NFASC: variants seen among roughly 807,000 people sequenced by gnomAD.
NFASC encodes the protein neurofascin.
In NFASC, 43 loss-of-function variants were observed where a neutral mutation model predicts 147.5. The observed-to-expected ratio is 0.29, with a 90% CI of 0.23 to 0.38. NFASC has a LOEUF of 0.38. Ranked by LOEUF, NFASC falls within the 10% of genes least tolerant of loss-of-function variation. NFASC has a pLI of 1.00. For missense variants in NFASC, 1,320 were observed against 1,689.0 expected, an observed-to-expected ratio of 0.78 and a Z score of 3.83; for synonymous variants, 622 against 665.5, an observed-to-expected ratio of 0.93 and a Z score of 1.01.
intron 29 of NFASC, among the ~76,000 whole-genome samples, chr1:205,013,938 C>A (rs2096297236): frequency 6.6e-6 from 1 of 152,242 alleles, no homozygotes; most frequent in Non-Finnish European, 1.5e-5. Context: ...GACTGTCCAC[C>A]TAGTCCCGAC....
Position 205,015,669 on chromosome 1 carries a change from C to CT in NFASC, c.3492-639_3492-638insT, listed in dbSNP as rs2096344671. On this transcript the variant is annotated intron_variant, in intron 29 of 29. Transcript: ENST00000339876. This position sits in a 1 kb window ranked among gnomAD's most constrained non-coding sequence, Gnocchi z 4.0. ...GGCATCACCTGCTTACCTGTGTGCC[C>CT]CCCCACCACCACCACTCTTGCGCAC... 6.6e-6 allele frequency among the ~76,000 whole-genome samples: 1 copy of CT among 150,886 alleles called. No homozygotes were observed. Among genetic ancestry groups the CT allele is most frequent in the Non-Finnish European group, 1.5e-5 (1 of 68,016 alleles).
Position 205,010,517 on chromosome 1 carries a change from G to T in NFASC, c.3421+829G>T, listed in dbSNP as rs2096233915. 1 of 152,232 alleles carries T rather than the reference G, an allele frequency of 6.6e-6. No individual in the cohort carries two copies. Among genetic ancestry groups the T allele is most frequent in the South Asian group, 2.1e-4 (1 of 4,838 alleles). The allele number at this position is 152,232 out of a possible 1,614,324, so 9.4% of individuals were successfully genotyped here. A position where few individuals can be genotyped will look rare whatever the true frequency, so the allele number is the denominator to read the frequency against. ...TGAGGTGGGAGGATTACCTGAGCCT[G>T]GAGAGGTCAAGGCTGCCATGAGGCG... is the stretch of plus-strand genomic sequence containing the variant. On this transcript the variant is annotated intron_variant, in intron 28 of 29. Coordinates refer to ENST00000339876, the MANE Select transcript of NFASC (RefSeq NM_001005388.3). This position sits in a 1 kb window ranked among gnomAD's most constrained non-coding sequence, Gnocchi z 4.1.
chr1:204,968,395 CT>C lies in NFASC; in HGVS notation c.818+36del, dbSNP rs1558291750. On this transcript the variant is annotated intron_variant, in intron 9 of 29. Coordinates refer to ENST00000339876, the MANE Select transcript of NFASC (RefSeq NM_001005388.3). The surrounding 1 kb of genome is among the most constrained non-coding windows in gnomAD (Gnocchi z 5.4). ...GTTTGCAGCCCCTCTTCTAGCCACC[CT>C]CCAGGAGGATGGGGATGGGAGCTTG... 1 of 1,506,134 alleles carries C rather than the reference CT, an allele frequency of 6.6e-7. No homozygotes were observed. The highest frequency in any genetic ancestry group is 1.7e-5 in the Admixed American group (1 of 59,814). 93.3% of individuals were successfully genotyped at this position (1,506,134 alleles called of 1,614,324 possible).
At chr1:204,961,846 T>C (rs1573790443) in intron 8 of NFASC, among the ~76,000 whole-genome samples, 1 of 152,386 alleles carries the variant, frequency 6.6e-6, no homozygotes, top group South Asian at 2.1e-4. Context: ...CTAATTTCTT[T>C]AATTTTAAAA....
intron 1 of NFASC, among the ~76,000 whole-genome samples, chr1:204,908,976 A>G (rs368477178): frequency 6.6e-6 from 1 of 151,866 alleles, no homozygotes; most frequent in East Asian, 1.9e-4. Flanking sequence ...TTGTTTAACC[A>G]TTCACTCATT....
At chr1:204,879,873 C>T (rs2079798794) in intron 1 of NFASC, among the ~76,000 whole-genome samples, 1 of 152,148 alleles carries the variant, frequency 6.6e-6, no homozygotes, top group African/African-American at 2.4e-5. Flanking sequence ...GTATAAAGGG[C>T]AATTTCTGAT....
rs764764304 is a variant in NFASC, at chr1:204,988,642, C to G, written c.2603C>G (p.Thr868Ser). The G allele has an allele frequency of 6.2e-7, 1 of 1,614,142 alleles. No homozygotes were observed. The highest frequency in any genetic ancestry group is 8.5e-7 in the Non-Finnish European group (1 of 1,179,970). The change falls in exon 23 of 30, where the codon ACC (threonine) becomes AGC (serine). Residue 868 changes from threonine (T) to serine (S), a missense_variant. Physicochemically the swap from Thr to Ser is moderately conservative, Grantham distance 58. Coordinates refer to ENST00000339876, the MANE Select transcript of NFASC (RefSeq NM_001005388.3). ...ACCTCTCTCTCCCCAGTTAACGGGA[C>G]CAAAGTAGGAAAGCAGATAGTGGAA... ...YTLKYVAFNG[T>S]KVGKQIVENF...
chr1:204,988,455 C>G (rs1007034980), intron 22 of NFASC, among the ~76,000 whole-genome samples, 178 bp from the exon 23 acceptor site: 1 of 152,180 alleles, frequency 6.6e-6, no homozygotes, highest in Non-Finnish European at 1.5e-5. Flanking sequence ...TCAAAGAGCC[C>G]GGAGGGAGTT....
rs61817612 is a variant in NFASC at position 204,973,737 on chromosome 1, C to A, written c.1279+318C>A. Among the ~76,000 whole-genome samples the A allele has an allele frequency of 6.5e-3, 989 of 152,280 alleles. 31 individuals carry two copies. The highest frequency in any genetic ancestry group is 0.049 in the Admixed American group (748 of 15,306). ...AGTCAATCTTAGTCTTCTCCCTCCCCTGATGAGATAGAGTGGGACTGTCCC... is the reference window on the plus strand; with the variant it reads ...AGTCAATCTTAGTCTTCTCCCTCCCATGATGAGATAGAGTGGGACTGTCCC... On this transcript the variant is annotated intron_variant, in intron 12 of 29. Coordinates refer to ENST00000339876, the MANE Select transcript of NFASC (RefSeq NM_001005388.3).
intron 8 of NFASC, among the ~76,000 whole-genome samples, chr1:204,958,619 T>C (rs2094527275): frequency 6.6e-6 from 1 of 152,216 alleles, no homozygotes; most frequent in South Asian, 2.1e-4. Context: ...TCTATGTTGA[T>C]GTACACCATG....
At position 205,010,851 on chromosome 1, in the gene NFASC, C is replaced by G. The variant is rs567338536; in HGVS notation, c.3421+1163C>G. On this transcript the variant is annotated intron_variant, in intron 28 of 29. Coordinates refer to ENST00000339876, the MANE Select transcript of NFASC (RefSeq NM_001005388.3). This position sits in a 1 kb window ranked among gnomAD's most constrained non-coding sequence, Gnocchi z 4.1. Reference sequence around the variant, plus strand: ...CTGGGAGGCAGAGGTTGCAGTGAGCCGAAATCGTGCCACTGCACTCCAGCC... The same window carrying G: ...CTGGGAGGCAGAGGTTGCAGTGAGCGGAAATCGTGCCACTGCACTCCAGCC... The G allele has an allele frequency of 6.6e-6, 1 of 150,486 alleles. No individual in the cohort carries two copies. The highest frequency in any genetic ancestry group is 2.1e-4 in the South Asian group (1 of 4,762). The allele number at this position is 150,486 out of a possible 1,614,324, so 9.3% of individuals were successfully genotyped here.
chr1:204,921,804 A>T (rs2090544028), intron 2 of NFASC, among the ~76,000 whole-genome samples: 1 of 152,190 alleles, frequency 6.6e-6, no homozygotes, highest in South Asian at 2.1e-4. Flanking sequence ...AATGAGGGTT[A>T]TTATGATTTC....
intron 8 of NFASC, among the ~76,000 whole-genome samples, chr1:204,961,540 C>T (rs77329289): frequency 0.049 from 7,436 of 152,372 alleles, 269 homozygotes; most frequent in East Asian, 0.18. Flanking sequence ...ACTCCAGTGA[C>T]ACATGTTGCT....
chr1:204,974,800 A>G lies in NFASC; in HGVS notation c.1535A>G (p.Asn512Ser). The G allele has an allele frequency of 6.2e-7, 1 of 1,614,170 alleles. No individual in the cohort carries two copies. Among genetic ancestry groups the G allele is most frequent in the Non-Finnish European group, 8.5e-7 (1 of 1,180,018 alleles). The change falls in exon 14 of 30, where the codon AAC (asparagine) becomes AGC (serine). Residue 512 changes from asparagine to serine, a missense_variant. Asn to Ser is a conservative substitution (Grantham distance 46). Coordinates refer to ENST00000339876, the MANE Select transcript of NFASC (RefSeq NM_001005388.3). Reference sequence around the variant, plus strand: ...ACCAACATCCTGGGCAAAGCTGAAAACCAAGTCCGCCTGGAGGTCAAAGGT... The same window carrying G: ...ACCAACATCCTGGGCAAAGCTGAAAGCCAAGTCCGCCTGGAGGTCAAAGGT... The part of the protein sequence containing the change: ...VATNILGKAE[N>S]QVRLEVKDPT...
chr1:205,012,447 G>A (rs545484351), intron 28 of NFASC, among the ~76,000 whole-genome samples: 1 of 152,360 alleles, frequency 6.6e-6, no homozygotes, highest in East Asian at 1.9e-4. Context: ...GAGTAAGAAA[G>A]GTGCAAACAG....
At chr1:204,842,996 G>T (rs1675818609) in intron 1 of NFASC, among the ~76,000 whole-genome samples, 1 of 152,220 alleles carries the variant, frequency 6.6e-6, no homozygotes, top group South Asian at 2.1e-4. Context: ...GTCAGGGCTG[G>T]GTCAGGTGCT....
chr1:204,856,939 G>T (rs1414427459), intron 1 of NFASC, among the ~76,000 whole-genome samples: 1 of 152,038 alleles, frequency 6.6e-6, no homozygotes, highest in Non-Finnish European at 1.5e-5. Context: ...TAGATTTTTG[G>T]ACTGTTTCCA....
At chr1:204,988,571 G>C in intron 22 of NFASC, 62 bp from the exon 23 acceptor site, 2 of 1,463,804 alleles carry the variant, frequency 1.4e-6, no homozygotes, top group Non-Finnish European at 9.6e-7. Flanking sequence ...CCAGCTTGCA[G>C]ATTATATAAC....
At position 204,970,644 on chromosome 1, in the gene NFASC, G is replaced by A. The variant is rs770593655; in HGVS notation, c.1032G>A (p.Lys344=). 1 of 1,614,010 alleles carries A rather than the reference G, an allele frequency of 6.2e-7. No homozygotes were observed. The highest frequency in any genetic ancestry group is 8.5e-7 in the Non-Finnish European group (1 of 1,180,054). ...CTCCCTACTGGCTGGACGAACCCAAGAACCTTATTCTGGCTCCTGGCGAGG... is the reference window on the plus strand; with the variant it reads ...CTCCCTACTGGCTGGACGAACCCAAAAACCTTATTCTGGCTCCTGGCGAGG... ...KAAPYWLDEP[K]NLILAPGEDG... Residue 344 remains lysine (K), a synonymous_variant, in exon 11 of 30, where the codon AAG becomes AAA. Coordinates refer to ENST00000339876, the MANE Select transcript of NFASC (RefSeq NM_001005388.3).
Sources: allele counts gnomAD v4.1 joint callset (sites outside exome capture counted in the v4.1 genomes callset), GRCh38; gene constraint gnomAD v4.1.1; non-coding constraint Gnocchi (gnomAD v3.1); transcripts MANE v1.5; gene names NCBI Gene and HGNC (gene_info 2026-07-23, HGNC 2026-07-21).